MGMT: variants seen among roughly 807,000 people sequenced by gnomAD.
MGMT encodes O-6-methylguanine-DNA methyltransferase.
A neutral mutation model predicts 15.9 loss-of-function variants in MGMT; 14 were observed. The observed-to-expected ratio is 0.88, with a 90% confidence interval of 0.58 to 1.37. MGMT has a LOEUF of 1.37. Ranked by LOEUF, MGMT falls within the 40% of genes most tolerant of loss-of-function variation. The pLI, the probability that MGMT is intolerant of heterozygous loss-of-function variation, is 0.00. For missense variants in MGMT, 282 were observed against 268.1 expected, an observed-to-expected ratio of 1.05 and a Z score of -0.36; for synonymous variants, 130 against 118.2, an observed-to-expected ratio of 1.10 and a Z score of -0.65.
At chr10:129,520,016 A>G (rs1200048551) in intron 1 of MGMT, among the ~76,000 whole-genome samples, 1 of 152,184 alleles carries the variant, frequency 6.6e-6, no homozygotes, top group Non-Finnish European at 1.5e-5. Context: ...CAAAAAAGAA[A>G]AAGAATAAAG....
intron 4 of MGMT, among the ~76,000 whole-genome samples, chr10:129,764,984 G>A (rs1377554402): frequency 6.6e-6 from 1 of 152,110 alleles, no homozygotes; most frequent in African/African-American, 2.4e-5. Context: ...TGCCTTCTAC[G>A]TGTCGTGCCA....
At chr10:129,756,644 A>AT (rs1848810462) in intron 3 of MGMT, among the ~76,000 whole-genome samples, 1 of 151,968 alleles carries the variant, frequency 6.6e-6, no homozygotes, top group Non-Finnish European at 1.5e-5. Flanking sequence ...TAATTTTTTT[A>AT]TTTTTAGTAG....
chr10:129,514,621 C>CGTAAGTT (rs1278603509), intron 1 of MGMT, among the ~76,000 whole-genome samples: 1 of 151,820 alleles, frequency 6.6e-6, no homozygotes, highest in African/African-American at 2.4e-5. Flanking sequence ...AAACCTCGCC[C>CGTAAGTT]GTAAGTTGTT....
chr10:129,528,394 A>G (rs1845893455), intron 1 of MGMT, among the ~76,000 whole-genome samples: 1 of 147,586 alleles, frequency 6.8e-6, no homozygotes, highest in African/African-American at 2.5e-5. Context: ...CTTCTCTGAG[A>G]AAGTGACGTC....
At chr10:129,729,264 A>G (rs747422198) in intron 3 of MGMT, among the ~76,000 whole-genome samples, 3 of 152,282 alleles carry the variant, frequency 2.0e-5, no homozygotes, top group Admixed American at 1.3e-4. Context: ...GCTGTGTCTG[A>G]TGGTGTTACC....
chr10:129,531,491 A>AT (rs1243556475), intron 1 of MGMT, among the ~76,000 whole-genome samples: 1 of 151,612 alleles, frequency 6.6e-6, no homozygotes, highest in Non-Finnish European at 1.5e-5. Context: ...GTCTGCAGGC[A>AT]TCCCCCCACC....
intron 2 of MGMT, among the ~76,000 whole-genome samples, chr10:129,561,183 G>A (rs888901782): frequency 1.7e-4 from 26 of 152,262 alleles, no homozygotes; most frequent in African/African-American, 5.5e-4. Flanking sequence ...CCAATCTCAC[G>A]TATCTAACTT....
At chr10:129,671,593 T>C (rs1274215969) in intron 2 of MGMT, among the ~76,000 whole-genome samples, 1 of 152,200 alleles carries the variant, frequency 6.6e-6, no homozygotes, top group African/African-American at 2.4e-5. Context: ...TGAGAAAATG[T>C]TTGCCAACCA....
At position 129,536,282 on chromosome 10, in the gene MGMT, C is replaced by T. The variant is rs1564845406; in HGVS notation, c.30C>T (p.Thr10=). The T allele has an allele frequency of 6.2e-7, 1 of 1,613,980 alleles. No individual in the cohort carries two copies. The highest frequency in any genetic ancestry group is 2.2e-5 in the East Asian group (1 of 44,878). The change falls in exon 2 of 5, where the codon ACC becomes ACT. Residue 10 remains threonine, a synonymous_variant. Coordinates refer to ENST00000651593, the MANE Select transcript of MGMT (RefSeq NM_002412.5). ...ACAAGGATTGTGAAATGAAACGCAC[C>T]ACACTGGACAGCCCTTTGGGGAAGC... MDKDCEMKR[T]TLDSPLGKLE...
chr10:129,594,782 C>T (rs945372997), intron 2 of MGMT, among the ~76,000 whole-genome samples: 3 of 152,212 alleles, frequency 2.0e-5, no homozygotes, highest in Non-Finnish European at 4.4e-5. Flanking sequence ...GAAGGTGCAC[C>T]TCTACCACCA....
intron 2 of MGMT, among the ~76,000 whole-genome samples, chr10:129,650,139 T>A (rs866767456): frequency 2.6e-5 from 4 of 152,012 alleles, no homozygotes; most frequent in Non-Finnish European, 4.4e-5. Flanking sequence ...TACTTCTGAG[T>A]GTTTGGGGGC....
At chr10:129,655,075 C>T (rs1240418658) in intron 2 of MGMT, among the ~76,000 whole-genome samples, 1 of 152,214 alleles carries the variant, frequency 6.6e-6, no homozygotes, top group Non-Finnish European at 1.5e-5. Context: ...TGTCAGCACA[C>T]TACCGAGGTG....
chr10:129,525,427 T>G (rs1845858454), intron 1 of MGMT, among the ~76,000 whole-genome samples: 1 of 152,148 alleles, frequency 6.6e-6, no homozygotes. Context: ...CATCTTCACG[T>G]TGGTTTTATA....
chr10:129,615,567 C>T (rs1300129780), intron 2 of MGMT, among the ~76,000 whole-genome samples: 2 of 152,212 alleles, frequency 1.3e-5, no homozygotes, highest in African/African-American at 2.4e-5. Context: ...CTGCCTCATC[C>T]GGAACATTCC....
At chr10:129,507,283 G>A (rs1272679079) in intron 1 of MGMT, among the ~76,000 whole-genome samples, 1 of 152,190 alleles carries the variant, frequency 6.6e-6, no homozygotes, top group East Asian at 1.9e-4. Flanking sequence ...GCTTCCAGAC[G>A]GATGTGAATC....
At chr10:129,596,108 C>G (rs1373038511) in intron 2 of MGMT, among the ~76,000 whole-genome samples, 13 of 152,134 alleles carry the variant, frequency 8.5e-5, no homozygotes, top group Admixed American at 8.5e-4. Context: ...CTGCCCCTCC[C>G]TGCCCCAGGG....
At chr10:129,584,740 T>C (rs1203152398) in intron 2 of MGMT, among the ~76,000 whole-genome samples, 2 of 152,208 alleles carry the variant, frequency 1.3e-5, no homozygotes, top group African/African-American at 2.4e-5. Context: ...TCCTGCACCA[T>C]GTGGCCTTTT....
intron 3 of MGMT, among the ~76,000 whole-genome samples, chr10:129,721,013 A>C (rs1167341425): frequency 6.6e-6 from 1 of 152,108 alleles, no homozygotes; most frequent in Non-Finnish European, 1.5e-5. Flanking sequence ...TGAGAAGGGT[A>C]GCGGTTTCAA....
chr10:129,556,676 C>T lies in MGMT; in HGVS notation c.125+20299C>T, dbSNP rs1033571080. On this transcript the variant is annotated intron_variant, in intron 2 of 4. Coordinates refer to ENST00000651593, the MANE Select transcript of MGMT (RefSeq NM_002412.5). This position sits in a 1 kb window ranked among gnomAD's most constrained non-coding sequence, Gnocchi z 4.3. Reference sequence around the variant, plus strand: ...ATAAACACCGACGGCAAAGTCAGGACGGGCAGGAGCGTTCTAGGCAAATGA... The same window carrying T: ...ATAAACACCGACGGCAAAGTCAGGATGGGCAGGAGCGTTCTAGGCAAATGA... 6.6e-6 allele frequency among the ~76,000 whole-genome samples: 1 copy of T among 152,120 alleles called. No individual in the cohort carries two copies. Among genetic ancestry groups the T allele is most frequent in the African/African-American group, 2.4e-5 (1 of 41,398 alleles).
Sources: gnomAD v4.1 joint callset for allele counts (sites outside exome capture counted in the v4.1 genomes callset) on GRCh38, gnomAD v4.1.1 for gene constraint, Gnocchi (gnomAD v3.1) non-coding constraint, MANE v1.5 for transcripts, NCBI Gene and HGNC (gene_info 2026-07-23, HGNC 2026-07-21) for gene names.